Variants in GEMIN5 observed in about 807,000 individuals in gnomAD.
The protein encoded by GEMIN5 is gem nuclear organelle associated protein 5.
GEMIN5 carries 124 observed loss-of-function variants against 176.9 expected under a neutral mutation model. The observed-to-expected ratio is 0.70, with a 90% CI of 0.61 to 0.81. The LOEUF is 0.81. GEMIN5 is among the 40% of genes least tolerant of loss of function. The pLI, the probability that GEMIN5 is intolerant of heterozygous loss-of-function variation, is 0.00. For missense variants in GEMIN5, 1,843 were observed against 1,814.6 expected, an observed-to-expected ratio of 1.02 and a Z score of -0.28; for synonymous variants, 673 against 665.2, an observed-to-expected ratio of 1.01 and a Z score of -0.18.
chr5:154,927,295 G>C (rs1243742573), intron 7 of GEMIN5, 90 bp downstream of exon 7: 4 of 742,878 alleles, frequency 5.4e-6, no homozygotes, highest in Non-Finnish European at 9.3e-6. Context: ...GGAGTATTAC[G>C]ACTTGACAGG....
intron 13 of GEMIN5, among the ~76,000 whole-genome samples, chr5:154,913,793 G>T (rs1260901811): frequency 6.6e-6 from 1 of 151,996 alleles, no homozygotes; most frequent in Non-Finnish European, 1.5e-5. Context: ...CTACAGCCTG[G>T]GTGACAGAGT....
At chr5:154,936,193 G>A (rs923793244) in intron 2 of GEMIN5, among the ~76,000 whole-genome samples, 171 bp from the exon 3 acceptor site, 5 of 152,032 alleles carry the variant, frequency 3.3e-5, no homozygotes, top group Admixed American at 1.3e-4. Flanking sequence ...GAGGCGGGTG[G>A]ATCACCAGGT....
chr5:154,926,601 A>G (rs1346889017), intron 7 of GEMIN5, among the ~76,000 whole-genome samples: 1 of 152,222 alleles, frequency 6.6e-6, no homozygotes, highest in Non-Finnish European at 1.5e-5. Context: ...GCTTTCAAAT[A>G]AAGTCAATTC....
In GEMIN5 at chr5:154,907,845, C is replaced by T. The variant is rs773301260; in HGVS notation, c.2168-27G>A. ...TACAAGAATCACAATAAAGGACTGA[C>T]TAAAGTATACATTCTTGGTTAAAAG... On this transcript the variant is annotated intron_variant, in intron 15 of 27. Coordinates refer to ENST00000285873, the MANE Select transcript of GEMIN5 (RefSeq NM_015465.5). 3.3e-6 allele frequency: 5 copies of T among 1,530,032 alleles called. No homozygotes were observed. In the South Asian group the frequency reaches 5.7e-5, roughly 17 times the overall value. 94.8% of individuals were successfully genotyped at this position (1,530,032 alleles called of 1,614,324 possible).
intron 6 of GEMIN5, among the ~76,000 whole-genome samples, chr5:154,927,755 G>A (rs940844720): frequency 6.6e-6 from 1 of 152,182 alleles, no homozygotes; most frequent in African/African-American, 2.4e-5. Flanking sequence ...ATTCTAGGAG[G>A]CCAAGGCAGG....
intron 2 of GEMIN5, 39 bp downstream of exon 2, chr5:154,936,982 CAGAT>C (rs745559608): frequency 1.4e-5 from 22 of 1,536,066 alleles, no homozygotes; most frequent in African/African-American, 2.7e-5. Context: ...ACCCTCAGCA[CAGAT>C]AGATAAAAAC....
chr5:154,897,592 A>C (rs954216378), intron 23 of GEMIN5, among the ~76,000 whole-genome samples: 21 of 152,184 alleles, frequency 1.4e-4, no homozygotes, highest in African/African-American at 5.1e-4. Flanking sequence ...GGTTCAAGCA[A>C]TTCTCCTGCC....
chr5:154,897,413 G>A (rs1763372247), intron 23 of GEMIN5, among the ~76,000 whole-genome samples: 1 of 152,204 alleles, frequency 6.6e-6, no homozygotes, highest in South Asian at 2.1e-4. Flanking sequence ...GTGTCAAAAA[G>A]GCAGTGGTAT....
chr5:154,894,141 T>TC (rs1763297193), intron 24 of GEMIN5, among the ~76,000 whole-genome samples: 1 of 152,032 alleles, frequency 6.6e-6, no homozygotes, highest in African/African-American at 2.4e-5. Context: ...GACAGGTTTT[T>TC]GCCATGTTGC....
chr5:154,896,120 G>C lies in GEMIN5; in HGVS notation c.3569C>G (p.Ser1190Cys). ...TTTGGCAGGTGTGTTATTTGTAGCA[G>C]ATGGGTACTTGATGTTCTGCAGCTT... is the stretch of plus-strand genomic sequence containing the variant. ...FQKLQNIKYP[S>C]ATNNTPAKQL... is the part of the protein sequence containing the mutation. The change falls in exon 24 of 28, where the codon TCT becomes TGT. Residue 1190 changes from serine to cysteine, a missense_variant. Physicochemically the swap from Ser to Cys is moderately radical, Grantham distance 112. Transcript: ENST00000285873. 6.2e-7 allele frequency: 1 copy of C among 1,613,850 alleles called. No individual in the cohort carries two copies. Among genetic ancestry groups the C allele is most frequent in the African/African-American group, 1.3e-5 (1 of 75,032 alleles).
chr5:154,927,393 C>G lies in GEMIN5; in HGVS notation c.1072G>C (p.Asp358His), dbSNP rs1764064073. 1 of 1,565,918 alleles carries G rather than the reference C, an allele frequency of 6.4e-7. No individual in the cohort carries two copies. The highest frequency in any genetic ancestry group is 1.3e-5 in the African/African-American group (1 of 74,272). The change falls in exon 7 of 28, where the codon GAT becomes CAT. Residue 358 changes from aspartate to histidine, a missense_variant. Physicochemically the swap from Asp to His is moderately conservative, Grantham distance 81 (BLOSUM62 -1). Transcript: ENST00000285873. ...AAAATAAGCATTCTTACATCTCTATCCATTGATGTAGAAAGTAATAGCTGT... is the reference window on the plus strand; with the variant it reads ...AAAATAAGCATTCTTACATCTCTATGCATTGATGTAGAAAGTAATAGCTGT... ...DKQLLLSTSM[D>H]RDVKCWDIAT... is the part of the protein sequence containing the mutation.
At chr5:154,890,409 T>A in intron 26 of GEMIN5, among the ~76,000 whole-genome samples, 1 of 152,034 alleles carries the variant, frequency 6.6e-6, no homozygotes, top group Non-Finnish European at 1.5e-5. Flanking sequence ...CCTGCCTGGG[T>A]TACTTTTATC....
chr5:154,904,325 G>A (rs1010475530), intron 18 of GEMIN5, among the ~76,000 whole-genome samples, 182 bp downstream of exon 18: 1 of 152,150 alleles, frequency 6.6e-6, no homozygotes, highest in Non-Finnish European at 1.5e-5. Context: ...GGGTCACAAT[G>A]GGGAGTTTGG....
At chr5:154,904,746 C>T (rs928572578) in intron 17 of GEMIN5, 117 bp from the exon 18 acceptor site, 2 of 699,714 alleles carry the variant, frequency 2.9e-6, no homozygotes, top group African/African-American at 3.6e-5. Flanking sequence ...AGAGAAAGCT[C>T]CTCCTCCTAA....
In GEMIN5 at chr5:154,901,676, T is replaced by G. The variant is rs141774971; in HGVS notation, c.2867-190A>C. Among the ~76,000 whole-genome samples the G allele has an allele frequency of 3.5e-4, 53 of 152,304 alleles. No individual in the cohort carries two copies. The East Asian group carries it at 8.1e-3, about 23-fold the overall frequency. On this transcript the variant is annotated intron_variant, in intron 20 of 27. Coordinates refer to ENST00000285873, the MANE Select transcript of GEMIN5 (RefSeq NM_015465.5). ...CTGAAGCATCAATTGTTTGATTATG[T>G]AACACAAACAAAACAGTACAAAGTT...
chr5:154,933,142 C>A (rs370970102), intron 3 of GEMIN5, among the ~76,000 whole-genome samples: 1 of 152,212 alleles, frequency 6.6e-6, no homozygotes, highest in Non-Finnish European at 1.5e-5. Context: ...TCTGTACATT[C>A]CACTTCAATC....
At chr5:154,906,018 GATAAGAT>G (rs1316789537) in intron 16 of GEMIN5, among the ~76,000 whole-genome samples, 1 of 150,870 alleles carries the variant, frequency 6.6e-6, no homozygotes, top group Non-Finnish European at 1.5e-5. Context: ...TTTGGTTAGA[GATAAGAT>G]ATAACTGTTG....
chr5:154,904,270 T>TA (rs1763525184), intron 18 of GEMIN5, among the ~76,000 whole-genome samples: 1 of 152,082 alleles, frequency 6.6e-6, no homozygotes, highest in South Asian at 2.1e-4. Context: ...AGATTTAGAA[T>TA]AAAAGCAGAG....
rs2113518931 is a variant in GEMIN5, at chr5:154,935,869, G to C, written c.481C>G (p.Pro161Ala). 6.2e-7 allele frequency: 1 copy of C among 1,613,400 alleles called. No homozygotes were observed. The highest frequency in any genetic ancestry group is 8.5e-7 in the Non-Finnish European group (1 of 1,179,440). The change falls in exon 3 of 28, where the codon CCT becomes GCT. Residue 161 changes from proline to alanine, a missense_variant. Coordinates refer to ENST00000285873, the MANE Select transcript of GEMIN5 (RefSeq NM_015465.5). ...PRTIFCLTCSPHHEDLVAIGY... is the reference protein window; with the variant it reads ...PRTIFCLTCSAHHEDLVAIGY... ...ATGGCTACTAAATCTTCATGATGAGGTGAACAAGTAAGACAGAAAATTGTC... is the reference window on the plus strand; with the variant it reads ...ATGGCTACTAAATCTTCATGATGAGCTGAACAAGTAAGACAGAAAATTGTC...
Sources: gnomAD v4.1 joint callset for allele counts (sites outside exome capture counted in the v4.1 genomes callset) on GRCh38, gnomAD v4.1.1 for gene constraint, MANE v1.5 for transcripts, NCBI Gene and HGNC (gene_info 2026-07-23, HGNC 2026-07-21) for gene names.